Variants in PTCD1 observed in about 807,000 individuals in gnomAD.
PTCD1 encodes the protein pentatricopeptide repeat domain 1, also known as pentatricopeptide repeat-containing protein 1, mitochondrial.
Under a neutral mutation model 53.4 loss-of-function variants are expected in PTCD1, and 50 were observed. The observed-to-expected ratio is 0.94, with a 90% CI of 0.75 to 1.19. The LOEUF is 1.19. Ranked by LOEUF, PTCD1 falls within the 50% of genes most tolerant of loss-of-function variation. The pLI, the probability that PTCD1 is intolerant of heterozygous loss-of-function variation, is 0.00. For synonymous variants in PTCD1, 413 were observed against 394.8 expected (o/e 1.05, Z -0.55); for missense variants, 918 against 904.8 (o/e 1.01, Z -0.19).
At chr7:99,431,741 C>CA (rs898820111) in intron 3 of PTCD1, among the ~76,000 whole-genome samples, 21 of 148,894 alleles carry the variant, frequency 1.4e-4, no homozygotes, top group African/African-American at 3.7e-4. Flanking sequence ...ACTCTGTCTC[C>CA]AAAAAAAAAG....
At chr7:99,420,393 T>G (rs1027105631) in intron 7 of PTCD1, among the ~76,000 whole-genome samples, 13 of 152,238 alleles carry the variant, frequency 8.5e-5, no homozygotes, top group East Asian at 1.9e-4. Context: ...TCTTCCCAAA[T>G]AGGCACCACT....
Position 99,419,495 on chromosome 7 carries a change from C to T in PTCD1, c.*472G>A. 3 of 1,596,684 alleles carry T rather than the reference C, an allele frequency of 1.9e-6. No homozygotes were observed. The highest frequency in any genetic ancestry group is 1.3e-5 in the African/African-American group (1 of 74,792). On this transcript the variant is annotated 3_prime_UTR_variant, in exon 8 of 8. Coordinates refer to ENST00000292478, the MANE Select transcript of PTCD1 (RefSeq NM_015545.4). ...ACTTCGCAGGTTCCTGCCTGTCACG[C>T]CACCCCCTTCCTGGGAGCAGCGAGC...
At chr7:99,437,523 T>C (rs1052682846) in intron 1 of PTCD1, among the ~76,000 whole-genome samples, 3 of 152,178 alleles carry the variant, frequency 2.0e-5, no homozygotes, top group Admixed American at 6.5e-5. Context: ...CAGGATGGTC[T>C]GGATCTTTTG....
chr7:99,430,508 C>T (rs1286998057), intron 3 of PTCD1, among the ~76,000 whole-genome samples: 2 of 152,230 alleles, frequency 1.3e-5, no homozygotes, highest in African/African-American at 4.8e-5. Context: ...CCATCTGGGG[C>T]TCAAATCCCA....
At chr7:99,422,112 C>T (rs1795843842) in intron 7 of PTCD1, among the ~76,000 whole-genome samples, 1 of 152,154 alleles carries the variant, frequency 6.6e-6, no homozygotes, top group Non-Finnish European at 1.5e-5. Flanking sequence ...ATAAAAAACC[C>T]TGGAATCAAT....
intron 5 of PTCD1, among the ~76,000 whole-genome samples, chr7:99,427,349 G>C (rs1796084004): frequency 6.7e-6 from 1 of 149,978 alleles, no homozygotes; most frequent in African/African-American, 2.4e-5. Context: ...GTCCGGGAGG[G>C]AGGTGGGGGG....
At position 99,420,294 on chromosome 7, in the gene PTCD1, A is replaced by G. The variant is rs1222970516; in HGVS notation, c.1921-145T>C. 8 of 1,177,482 alleles carry G rather than the reference A, an allele frequency of 6.8e-6. No individual in the cohort carries two copies. The Admixed American group carries it at 7.8e-5, about 11-fold the overall frequency. 72.9% of individuals were successfully genotyped at this position (1,177,482 alleles called of 1,614,324 possible). On this transcript the variant is annotated intron_variant, in intron 7 of 7. Transcript: ENST00000292478. The stretch of plus-strand genomic sequence containing the variant: ...CAGAGGACAGGGCAGAAAAGCTGTG[A>G]ACACGCACTATGGGACTAGCTTACT...
rs746637243 is a variant in PTCD1 at position 99,417,734 on chromosome 7, G to A, written c.*2233C>T. On this transcript the variant is annotated 3_prime_UTR_variant, in exon 8 of 8. Coordinates refer to ENST00000292478, the MANE Select transcript of PTCD1 (RefSeq NM_015545.4). Reference sequence around the variant, plus strand: ...GTCCTGCTGGCTCTCCCTCGTGGGAGTGGGTCCCTGTATTCAGGAATCCAT... The same window carrying A: ...GTCCTGCTGGCTCTCCCTCGTGGGAATGGGTCCCTGTATTCAGGAATCCAT... 5 of 1,536,052 alleles carry A rather than the reference G, an allele frequency of 3.3e-6. No homozygotes were observed. Among genetic ancestry groups the A allele is most frequent in the Non-Finnish European group, 4.4e-6 (5 of 1,146,718 alleles).
At position 99,429,734 on chromosome 7, in the gene PTCD1, AG is replaced by A; in HGVS notation, c.666del (p.Trp223GlyfsTer10). 1 of 1,614,218 alleles carries A rather than the reference AG, an allele frequency of 6.2e-7. No homozygotes were observed. Among genetic ancestry groups the A allele is most frequent in the Non-Finnish European group, 8.5e-7 (1 of 1,180,040 alleles). On this transcript the variant is annotated frameshift_variant, in exon 4 of 8. Transcript: ENST00000292478. LOFTEE classifies it high-confidence loss of function. The part of the protein sequence containing the change: ...TALFNVCAES[P>X]WKDSALQSAL... ...GCGCTCTGTAGAGCTGAGTCCTTCC[AG>A]GGGGACTCGGCACAGACGTTGAACA...
chr7:99,425,610 G>A lies in PTCD1; in HGVS notation c.922C>T (p.Arg308Trp), dbSNP rs376550279. 23 of 1,605,730 alleles carry A rather than the reference G, an allele frequency of 1.4e-5. No homozygotes were observed. The highest frequency in any genetic ancestry group is 6.7e-5 in the East Asian group (3 of 44,498). Reference protein sequence around the residue: ...TGFRYALQVWRLMLSLGLQPS... With the variant: ...TGFRYALQVWWLMLSLGLQPS... ...TGTAGCCCTAGACTCAGCATCAGCC[G>A]CCACACCTGCCACGGAAGAGACAAA... Residue 308 changes from arginine to tryptophan, a missense_variant, in exon 6 of 8, where the codon CGG (arginine) becomes TGG (tryptophan). Coordinates refer to ENST00000292478, the MANE Select transcript of PTCD1 (RefSeq NM_015545.4).
In PTCD1 at chr7:99,425,073, T is replaced by C. The variant is rs1795964629; in HGVS notation, c.1459A>G (p.Ile487Val). The C allele has an allele frequency of 1.2e-6, 2 of 1,614,132 alleles. No homozygotes were observed. Among genetic ancestry groups the C allele is most frequent in the South Asian group, 1.1e-5 (1 of 91,088 alleles). The change falls in exon 6 of 8, where the codon ATC becomes GTC. Residue 487 changes from isoleucine to valine, a missense_variant. Physicochemically the swap from Ile to Val is conservative, Grantham distance 29. Coordinates refer to ENST00000292478, the MANE Select transcript of PTCD1 (RefSeq NM_015545.4). ...TCGGCCAGTAGCGTGAGGGTCCTGA[T>C]GTCGGGCTGCTGCCTGTGCTCTGCC... ...KMAEHRQQPDIRTLTLLAEVV... is the reference protein window; with the variant it reads ...KMAEHRQQPDVRTLTLLAEVV...
In PTCD1 at chr7:99,434,963, CAG is replaced by C. The variant is rs1159535909; in HGVS notation, c.278_279del (p.Ser93Ter). ...EEEEESFGTL[S>X]DKYSSRRLFR... ...AATAGTCTCCGGGAGGAGTATTTGT[CAG>C]AGAGGGTCCCAAAACTCTCCTCCTC... On this transcript the variant is annotated frameshift_variant, in exon 2 of 8. Coordinates refer to ENST00000292478, the MANE Select transcript of PTCD1 (RefSeq NM_015545.4). LOFTEE classifies it high-confidence loss of function. 6.2e-7 allele frequency: 1 copy of C among 1,614,238 alleles called. No individual in the cohort carries two copies. Among genetic ancestry groups the C allele is most frequent in the South Asian group, 1.1e-5 (1 of 91,090 alleles).
At chr7:99,436,721 C>T (rs983318570) in intron 1 of PTCD1, among the ~76,000 whole-genome samples, 2 of 152,194 alleles carry the variant, frequency 1.3e-5, no homozygotes, top group Non-Finnish European at 2.9e-5. Flanking sequence ...TTGGGCTGGG[C>T]TGGCTTTGAA....
At chr7:99,425,662 G>C in intron 5 of PTCD1, 46 bp from the exon 6 acceptor site, 2 of 1,568,994 alleles carry the variant, frequency 1.3e-6, no homozygotes, top group Non-Finnish European at 1.7e-6. Flanking sequence ...CCATTCAGCA[G>C]CTGGGCGCAG....
At chr7:99,425,935 G>C (rs528015014) in intron 5 of PTCD1, among the ~76,000 whole-genome samples, 3 of 152,090 alleles carry the variant, frequency 2.0e-5, no homozygotes, top group Non-Finnish European at 4.4e-5. Context: ...GTGTGGTATT[G>C]CATGCCCACA....
At position 99,429,086 on chromosome 7, in the gene PTCD1, G is replaced by A; in HGVS notation, c.915+17C>T. On this transcript the variant is annotated intron_variant, in intron 5 of 7. Transcript: ENST00000292478. ...ACCGGGGAAGCAGGGCAGGAAGGTG[G>A]GGTGGGAGGGACATACCTGGAGGGC... 6.2e-7 allele frequency: 1 copy of A among 1,613,986 alleles called. No individual in the cohort carries two copies. The highest frequency in any genetic ancestry group is 1.1e-5 in the South Asian group (1 of 91,064).
rs1795720953 is a variant in PTCD1 at position 99,419,860 on chromosome 7, C to T, written c.*107G>A. ...ACACCTGTGACACGCTGCGGCTGTT[C>T]CTCAGGGCCTGGCTCTTCCCCCAGG... On this transcript the variant is annotated 3_prime_UTR_variant, in exon 8 of 8. Transcript: ENST00000292478. 1 of 1,577,936 alleles carries T rather than the reference C, an allele frequency of 6.3e-7. No individual in the cohort carries two copies. The highest frequency in any genetic ancestry group is 8.6e-7 in the Non-Finnish European group (1 of 1,158,904).
rs1172642072 is a variant in PTCD1, at chr7:99,424,960, G to A, written c.1572C>T (p.Asn524=). 6.2e-7 allele frequency: 1 copy of A among 1,614,260 alleles called. No individual in the cohort carries two copies. The highest frequency in any genetic ancestry group is 8.5e-7 in the Non-Finnish European group (1 of 1,180,040). Residue 524 remains asparagine (N), a synonymous_variant, in exon 6 of 8, where the codon AAC becomes AAT. Transcript: ENST00000292478. ...HQVEADLTFF[N]TLVRKKSKLG... ...GCTTGCTCTTCTTTCTCACCAGCGT[G>A]TTAAAGAATGTCAGGTCGGCCTCTA...
intron 5 of PTCD1, among the ~76,000 whole-genome samples, chr7:99,426,839 G>A (rs1796047679): frequency 6.7e-6 from 1 of 149,788 alleles, no homozygotes; most frequent in Non-Finnish European, 1.5e-5. Flanking sequence ...CCCCGTCTGG[G>A]ATGTGAGGAG....
Sources: allele counts gnomAD v4.1 joint callset (sites outside exome capture counted in the v4.1 genomes callset), GRCh38; gene constraint gnomAD v4.1.1; transcripts MANE v1.5; gene names NCBI Gene and HGNC (gene_info 2026-07-23, HGNC 2026-07-21).